Variants in SREK1IP1 observed in about 807,000 individuals in gnomAD.
SREK1IP1 encodes the protein SREK1 interacting protein 1.
A neutral mutation model predicts 22.8 loss-of-function variants in SREK1IP1; 12 were observed. That is an observed-to-expected ratio of 0.53 (90% CI 0.34 to 0.85). SREK1IP1 has a LOEUF of 0.85. Ranked by LOEUF, SREK1IP1 falls within the 40% of genes least tolerant of loss-of-function variation. SREK1IP1 has a pLI of 0.02. For synonymous variants in SREK1IP1, 53 were observed against 52.7 expected (o/e 1.01, Z -0.02); for missense variants, 147 against 171.8 (o/e 0.86, Z 0.81).
chr5:64,763,554 G>GA (rs142924171), intron 1 of SREK1IP1, among the ~76,000 whole-genome samples: 6,571 of 144,568 alleles, frequency 0.045, 243 homozygotes, highest in East Asian at 0.2. Context: ...CCCAAAAAAA[G>GA]AAAAAAAAAA....
chr5:64,752,144 GTGTTTTTTTTTTT>G (rs1280340413), intron 2 of SREK1IP1, among the ~76,000 whole-genome samples: 25 of 85,448 alleles, frequency 2.9e-4, no homozygotes, highest in African/African-American at 1.0e-3. Context: ...TTTTTTTTGT[GTGTTTTTTTTTTT>G]TTTTTTTTTT....
chr5:64,766,579 G>A (rs1323434002), intron 1 of SREK1IP1, among the ~76,000 whole-genome samples: 1 of 152,200 alleles, frequency 6.6e-6, no homozygotes, highest in Non-Finnish European at 1.5e-5. Context: ...ATGTGAATCT[G>A]CTTTAAAATC....
chr5:64,735,546 CG>C (rs758439256), intron 3 of SREK1IP1, among the ~76,000 whole-genome samples: 2 of 151,954 alleles, frequency 1.3e-5, no homozygotes, highest in Non-Finnish European at 2.9e-5. Flanking sequence ...TTAAGAGATG[CG>C]GGGGTACTCT....
chr5:64,737,129 A>G (rs908293850), intron 3 of SREK1IP1, among the ~76,000 whole-genome samples: 1 of 152,154 alleles, frequency 6.6e-6, no homozygotes, highest in African/African-American at 2.4e-5. Flanking sequence ...GTCCAACACC[A>G]GCAGAATACA....
Position 64,722,074 on chromosome 5 carries a change from A to G in SREK1IP1, c.*2310T>C, listed in dbSNP as rs111565082. On this transcript the variant is annotated 3_prime_UTR_variant, in exon 5 of 5. Transcript: ENST00000513458. ...ATTAATTTTCTTCTAAAACATATTC[A>G]TGAGATTTGCATCCAATCTCAATAA... 2.4e-4 allele frequency: 36 copies of G among 152,306 alleles called. 1 individual carries two copies. Among genetic ancestry groups the G allele is most frequent in the African/African-American group, 8.4e-4 (35 of 41,572 alleles). The allele number at this position is 152,306 out of a possible 1,614,324, so 9.4% of individuals were successfully genotyped here. A position where few individuals can be genotyped will look rare whatever the true frequency, so the allele number is the denominator to read the frequency against.
chr5:64,732,562 A>C (rs1160088086), intron 3 of SREK1IP1, among the ~76,000 whole-genome samples: 1 of 152,210 alleles, frequency 6.6e-6, no homozygotes, highest in East Asian at 1.9e-4. Context: ...AAGAAGTTCT[A>C]AATAAAGAGA....
chr5:64,763,365 G>T (rs1198481859), intron 1 of SREK1IP1, among the ~76,000 whole-genome samples: 1 of 151,958 alleles, frequency 6.6e-6, no homozygotes, highest in Non-Finnish European at 1.5e-5. Flanking sequence ...GGTGAAACCT[G>T]CCTCTACTAA....
At chr5:64,728,034 A>C (rs1298569070) in intron 4 of SREK1IP1, 73 bp downstream of exon 4, 14 of 1,128,494 alleles carry the variant, frequency 1.2e-5, no homozygotes, top group Non-Finnish European at 1.6e-5. Context: ...ATTATACACA[A>C]AAAATAAAAT....
intron 3 of SREK1IP1, among the ~76,000 whole-genome samples, chr5:64,729,422 G>A (rs545010372): frequency 2.0e-5 from 3 of 152,180 alleles, no homozygotes; most frequent in East Asian, 1.9e-4. Context: ...AGGTTGTTGC[G>A]GATAGAAGGG....
intron 3 of SREK1IP1, among the ~76,000 whole-genome samples, chr5:64,732,339 T>G (rs940550477): frequency 1.1e-4 from 16 of 152,138 alleles, no homozygotes; most frequent in African/African-American, 3.6e-4. Context: ...CCTGACAATT[T>G]ACACAGATAT....
chr5:64,725,217 T>C (rs1742242568), intron 4 of SREK1IP1, among the ~76,000 whole-genome samples: 2 of 152,092 alleles, frequency 1.3e-5, no homozygotes, highest in Non-Finnish European at 2.9e-5. Context: ...TTTTGAAAAA[T>C]ATTACTCTAA....
rs1456010068 is a variant in SREK1IP1, at chr5:64,749,024, T to C, written c.61+5291A>G. ...TTTACTAATACAAGGACAAGTATAT[T>C]CTCCCCTTTCCTCCTTCCAGGAGTA... is the stretch of plus-strand genomic sequence containing the variant. On this transcript the variant is annotated intron_variant, in intron 2 of 4. Transcript: ENST00000513458. Among the ~76,000 whole-genome samples the C allele has an allele frequency of 6.0e-5, 9 of 149,826 alleles. No homozygotes were observed. The East Asian group carries it at 1.8e-3, about 29-fold the overall frequency.
At chr5:64,735,945 T>C (rs1742454632) in intron 3 of SREK1IP1, among the ~76,000 whole-genome samples, 1 of 152,160 alleles carries the variant, frequency 6.6e-6, no homozygotes. Context: ...AAGGTGGAAG[T>C]TGAAGTCATA....
chr5:64,760,330 T>G (rs1742925683), intron 1 of SREK1IP1, among the ~76,000 whole-genome samples: 1 of 152,172 alleles, frequency 6.6e-6, no homozygotes, highest in African/African-American at 2.4e-5. Flanking sequence ...TTCAAGGAAA[T>G]TACTTCTCTT....
intron 3 of SREK1IP1, among the ~76,000 whole-genome samples, chr5:64,730,424 T>C (rs1035710014): frequency 6.6e-6 from 1 of 151,422 alleles, no homozygotes; most frequent in Non-Finnish European, 1.5e-5. Context: ...GGAAGAACAA[T>C]GGGAAAAACG....
chr5:64,719,165 G>A lies in SREK1IP1; in HGVS notation c.*5219C>T, dbSNP rs1742113992. The A allele has an allele frequency of 6.6e-6, 1 of 152,190 alleles. No individual in the cohort carries two copies. 9.4% of individuals were successfully genotyped at this position (152,190 alleles called of 1,614,324 possible). A position where few individuals can be genotyped will look rare whatever the true frequency, so the allele number is the denominator to read the frequency against. On this transcript the variant is annotated 3_prime_UTR_variant, in exon 5 of 5. Coordinates refer to ENST00000513458, the MANE Select transcript of SREK1IP1 (RefSeq NM_173829.4). ...TAGCCACCAGTCACATGTGGCTACT[G>A]AACACTTAAGATGTGGCTAATGCAA...
Position 64,739,675 on chromosome 5 carries a change from T to C in SREK1IP1, c.205+1382A>G, listed in dbSNP as rs147026197. On this transcript the variant is annotated intron_variant, in intron 3 of 4. Transcript: ENST00000513458. Reference sequence around the variant, plus strand: ...CTTTGCCCTTGTGAGTTTACGTCTTTAAATTTTTTTCTACTTCTGGCATTT... The same window carrying C: ...CTTTGCCCTTGTGAGTTTACGTCTTCAAATTTTTTTCTACTTCTGGCATTT... 6.1e-3 allele frequency among the ~76,000 whole-genome samples: 922 copies of C among 152,246 alleles called. 16 individuals are homozygous for C. The highest frequency in any genetic ancestry group is 7.2e-3 in the Non-Finnish European group (487 of 67,988).
At chr5:64,746,815 G>A (rs1742645953) in intron 2 of SREK1IP1, among the ~76,000 whole-genome samples, 1 of 152,152 alleles carries the variant, frequency 6.6e-6, no homozygotes, top group Non-Finnish European at 1.5e-5. Context: ...TAAGGGCTCA[G>A]ACCCACAAGA....
At chr5:64,752,552 A>C (rs1337316514) in intron 2 of SREK1IP1, among the ~76,000 whole-genome samples, 1 of 152,168 alleles carries the variant, frequency 6.6e-6, no homozygotes, top group Non-Finnish European at 1.5e-5. Flanking sequence ...AAACTTTAAA[A>C]AACAATATAT....
Sources: gnomAD v4.1 joint callset for allele counts (sites outside exome capture counted in the v4.1 genomes callset) on GRCh38, gnomAD v4.1.1 for gene constraint, MANE v1.5 for transcripts, NCBI Gene and HGNC (gene_info 2026-07-23, HGNC 2026-07-21) for gene names.